TENT5C: variants seen among roughly 807,000 people sequenced by gnomAD.
TENT5C encodes the protein terminal nucleotidyltransferase 5C, also known as family with sequence similarity 46 member C.
In TENT5C, 5 loss-of-function variants were observed where a neutral mutation model predicts 22.2. The ratio of observed to expected loss-of-function variants is 0.22; its 90% CI spans 0.12 to 0.47. The LOEUF is 0.47. TENT5C is among the 20% of genes least tolerant of loss of function. The probability of loss-of-function intolerance (pLI) is 0.99; values close to 1 mark genes in which losing one functional copy is unlikely to be tolerated. For synonymous variants in TENT5C, 199 were observed against 195.4 expected, an observed-to-expected ratio of 1.02 and a Z score of -0.15; for missense variants, 364 against 500.9, an observed-to-expected ratio of 0.73 and a Z score of 2.61.
At position 117,626,294 on chromosome 1, in the gene TENT5C, T is replaced by TC. The variant is rs372206488; in HGVS notation, c.*2257dup. The TC allele has an allele frequency of 5.7e-5, 14 of 247,550 alleles. No individual in the cohort carries two copies. Among genetic ancestry groups the TC allele is most frequent in the African/African-American group, 8.8e-5 (4 of 45,232 alleles). 15.3% of individuals were successfully genotyped at this position (247,550 alleles called of 1,614,324 possible). On this transcript the variant is annotated 3_prime_UTR_variant, in exon 2 of 2. Transcript: ENST00000369448. Reference sequence around the variant, plus strand: ...TGGGGTTCTTTCTGCTTATGTTTTTTCCCCCCCATCTGGTAATAGTCCTCT... The same window carrying TC: ...TGGGGTTCTTTCTGCTTATGTTTTTTCCCCCCCCATCTGGTAATAGTCCTCT...
chr1:117,624,023 T>A lies in TENT5C; in HGVS notation c.1155T>A (p.Pro385=). 1 of 1,613,068 alleles carries A rather than the reference T, an allele frequency of 6.2e-7. No homozygotes were observed. Among genetic ancestry groups the A allele is most frequent in the African/African-American group, 1.3e-5 (1 of 75,020 alleles). Residue 385 remains proline, a synonymous_variant, in exon 2 of 2, where the codon CCT becomes CCA. Transcript: ENST00000369448. The part of the protein sequence containing the change: ...HPPVTYSQPY[P]TWLPCN ...CAGTCACCTACAGCCAGCCTTACCC[T>A]ACCTGGCTGCCCTGTAACTAACCTT...
chr1:117,614,223 C>A (rs762392587), intron 1 of TENT5C, among the ~76,000 whole-genome samples: 2 of 152,168 alleles, frequency 1.3e-5, no homozygotes, highest in Non-Finnish European at 1.5e-5. Flanking sequence ...TAACTTCTGG[C>A]CTTCATCCCC....
intron 1 of TENT5C, among the ~76,000 whole-genome samples, chr1:117,622,055 G>A (rs1280418321): frequency 1.3e-5 from 2 of 152,160 alleles, no homozygotes; most frequent in African/African-American, 4.8e-5. Context: ...CCTGTGTTGG[G>A]CATCCTTGCT....
In TENT5C at chr1:117,623,670, C is replaced by T. The variant is rs761103312; in HGVS notation, c.802C>T (p.Arg268Cys). The T allele has an allele frequency of 4.3e-6, 7 of 1,613,938 alleles. No homozygotes were observed. Among genetic ancestry groups the T allele is most frequent in the East Asian group, 2.2e-5 (1 of 44,878 alleles). Residue 268 changes from arginine to cysteine, a missense_variant, in exon 2 of 2, where the codon CGC (arginine) becomes TGC (cysteine). Physicochemically the swap from Arg to Cys is radical, Grantham distance 180 (BLOSUM62 -3). This residue lies in a region of TENT5C where 303 missense variants were observed against 394.5 expected (regional missense o/e 0.77). Transcript: ENST00000369448. ...TDQEEIKTLE[R>C]YMCSRFFIDF... ...CCAGGAAGAAATCAAAACTCTAGAG[C>T]GCTACATGTGCTCCAGGTTCTTCAT...
chr1:117,617,376 C>T (rs1653810120), intron 1 of TENT5C, among the ~76,000 whole-genome samples: 1 of 146,054 alleles, frequency 6.8e-6, no homozygotes, highest in South Asian at 2.2e-4. Context: ...GCTATCTCTG[C>T]AAACCTCTTT....
At chr1:117,621,985 G>A (rs1653903410) in intron 1 of TENT5C, among the ~76,000 whole-genome samples, 1 of 152,134 alleles carries the variant, frequency 6.6e-6, no homozygotes, top group African/African-American at 2.4e-5. Flanking sequence ...TAGCTTTAAG[G>A]TACTATTGTT....
intron 1 of TENT5C, among the ~76,000 whole-genome samples, chr1:117,622,455 C>A (rs1322780362): frequency 6.6e-6 from 1 of 152,074 alleles, no homozygotes; most frequent in Non-Finnish European, 1.5e-5. Context: ...TAGGTGTCAA[C>A]CAGGTCGAGA....
chr1:117,617,792 G>GA (rs1210551270), intron 1 of TENT5C, among the ~76,000 whole-genome samples: 1 of 152,184 alleles, frequency 6.6e-6, no homozygotes, highest in Non-Finnish European at 1.5e-5. Context: ...AAAACTGTTG[G>GA]ACTAAGCACT....
chr1:117,612,613 C>T lies in TENT5C; in HGVS notation c.-28+6460C>T, dbSNP rs570917215. ...TGCTGCTATGCGCAGTACCTGGAGG[C>T]CCGGAACCTGCAACTTGAATGCCAA... is the stretch of plus-strand genomic sequence containing the variant. On this transcript the variant is annotated intron_variant, in intron 1 of 1. Coordinates refer to ENST00000369448, the MANE Select transcript of TENT5C (RefSeq NM_017709.4). Among the ~76,000 whole-genome samples, 6 of 152,296 alleles carry T rather than the reference C, an allele frequency of 3.9e-5. No individual in the cohort carries two copies. In the East Asian group the frequency reaches 1.2e-3, roughly 29 times the overall value.
At chr1:117,620,622 G>T (rs1653873517) in intron 1 of TENT5C, among the ~76,000 whole-genome samples, 1 of 152,216 alleles carries the variant, frequency 6.6e-6, no homozygotes, top group Non-Finnish European at 1.5e-5. Flanking sequence ...TGGCCTGTTA[G>T]GAACTGGGCC....
At chr1:117,609,923 G>T (rs758762774) in intron 1 of TENT5C, among the ~76,000 whole-genome samples, 17 of 152,098 alleles carry the variant, frequency 1.1e-4, no homozygotes, top group Non-Finnish European at 2.1e-4. Context: ...GGCCACAGGG[G>T]TATAGGTTTG....
chr1:117,621,189 C>T (rs920206278), intron 1 of TENT5C, among the ~76,000 whole-genome samples: 18 of 152,120 alleles, frequency 1.2e-4, no homozygotes, highest in Non-Finnish European at 2.4e-4. Flanking sequence ...TACTCTGTAG[C>T]GAGCAATAGA....
At chr1:117,616,549 C>T (rs549065647) in intron 1 of TENT5C, among the ~76,000 whole-genome samples, 52 of 152,296 alleles carry the variant, frequency 3.4e-4, no homozygotes, top group Non-Finnish European at 6.6e-4. Flanking sequence ...GGCCAGGAGC[C>T]AGGGCCCACA....
chr1:117,623,249 C>T lies in TENT5C; in HGVS notation c.381C>T (p.Leu127=), dbSNP rs1019380915. 1 of 1,614,086 alleles carries T rather than the reference C, an allele frequency of 6.2e-7. No individual in the cohort carries two copies. Among genetic ancestry groups the T allele is most frequent in the Admixed American group, 1.7e-5 (1 of 60,024 alleles). ...LNFLPEGVNK[L]KISPVTLKEA... is the part of the protein sequence containing the mutation. The stretch of plus-strand genomic sequence containing the variant: ...TCCTGCCAGAGGGTGTGAACAAGCT[C>T]AAAATCAGTCCAGTCACTCTGAAGG... Residue 127 remains leucine (L), a synonymous_variant, in exon 2 of 2, where the codon CTC becomes CTT. Transcript: ENST00000369448.
chr1:117,623,285 G>A lies in TENT5C; in HGVS notation c.417G>A (p.Val139=), dbSNP rs1216380254. Residue 139 remains valine, a synonymous_variant, in exon 2 of 2, where the codon GTG becomes GTA. Transcript: ENST00000369448. ...ISPVTLKEAY[V]QKLVKVCTDT... Reference sequence around the variant, plus strand: ...CAGTCACTCTGAAGGAGGCATATGTGCAGAAGCTAGTGAAGGTTTGCACGG... The same window carrying A: ...CAGTCACTCTGAAGGAGGCATATGTACAGAAGCTAGTGAAGGTTTGCACGG... The A allele has an allele frequency of 6.2e-7, 1 of 1,614,188 alleles. No homozygotes were observed. Among genetic ancestry groups the A allele is most frequent in the Non-Finnish European group, 8.5e-7 (1 of 1,180,044 alleles).
rs1039690996 is a variant in TENT5C at position 117,613,249 on chromosome 1, G to A, written c.-28+7096G>A. 3.9e-5 allele frequency among the ~76,000 whole-genome samples: 6 copies of A among 152,268 alleles called. No individual in the cohort carries two copies. The South Asian group carries it at 1.2e-3, about 32-fold the overall frequency. On this transcript the variant is annotated intron_variant, in intron 1 of 1. Coordinates refer to ENST00000369448, the MANE Select transcript of TENT5C (RefSeq NM_017709.4). ...GCTGACACCTTGGAAAAAAATCAAG[G>A]CTTTTATGCCCTGCTTCCATCTGAA...
rs1400796621 is a variant in TENT5C at position 117,626,913 on chromosome 1, C to A, written c.*2869C>A. The A allele has an allele frequency of 4.0e-6, 1 of 248,046 alleles. No individual in the cohort carries two copies. Among genetic ancestry groups the A allele is most frequent in the African/African-American group, 2.2e-5 (1 of 45,356 alleles). The allele number at this position is 248,046 out of a possible 1,614,324, so 15.4% of individuals were successfully genotyped here. A position where few individuals can be genotyped will look rare whatever the true frequency, so the allele number is the denominator to read the frequency against. On this transcript the variant is annotated 3_prime_UTR_variant, in exon 2 of 2. Transcript: ENST00000369448. The stretch of plus-strand genomic sequence containing the variant: ...GAGCATCAGTGAGATGAAGACAGTA[C>A]CTTTTCCTCTCACATTGGCAGAATA...
intron 1 of TENT5C, among the ~76,000 whole-genome samples, chr1:117,621,365 C>A (rs1383077318): frequency 6.6e-6 from 1 of 152,188 alleles, no homozygotes; most frequent in African/African-American, 2.4e-5. Context: ...CAACCAGGGA[C>A]ACCCTTTCTT....
chr1:117,609,619 T>C (rs10923354), intron 1 of TENT5C, among the ~76,000 whole-genome samples: 38,785 of 152,050 alleles, frequency 0.26, 5,025 homozygotes, highest in Admixed American at 0.33. Context: ...GGAAATGCCT[T>C]TGGAAGAGCT....
Sources: gnomAD v4.1 joint callset for allele counts (sites outside exome capture counted in the v4.1 genomes callset) on GRCh38, gnomAD v4.1.1 for gene constraint, gnomAD v4.1.1 regional missense constraint, MANE v1.5 for transcripts, NCBI Gene and HGNC (gene_info 2026-07-23, HGNC 2026-07-21) for gene names.